The following MAST2 variants were observed in gnomAD, a reference collection of about 807,000 sequenced individuals.
MAST2 encodes the protein microtubule associated serine/threonine kinase 2.
Under a neutral mutation model 147.4 loss-of-function variants are expected in MAST2, and 70 were observed. The observed-to-expected ratio is 0.47, with a 90% CI of 0.39 to 0.58. The LOEUF (loss-of-function observed/expected upper bound fraction) is 0.58. Among genes scored for constraint, MAST2 ranks in the 20% least tolerant of loss-of-function variants. MAST2 has a pLI of 0.00. For missense variants in MAST2, 2,080 were observed against 2,302.3 expected (o/e 0.90, Z 1.98); for synonymous variants, 869 against 896.8 (o/e 0.97, Z 0.55).
chr1:45,821,026 A>G (rs1353660534), intron 1 of MAST2, among the ~76,000 whole-genome samples: 1 of 147,276 alleles, frequency 6.8e-6, no homozygotes, highest in Non-Finnish European at 1.5e-5. Context: ...CATCCTCCTG[A>G]GTAGCTGGGA....
At chr1:45,955,461 G>T (rs924475674) in intron 4 of MAST2, among the ~76,000 whole-genome samples, 37 of 152,152 alleles carry the variant, frequency 2.4e-4, no homozygotes, top group African/African-American at 8.4e-4. Context: ...ATCCATGGAT[G>T]TGGAACCCAC....
intron 4 of MAST2, among the ~76,000 whole-genome samples, chr1:45,890,068 C>T (rs1647482595): frequency 1.3e-5 from 2 of 152,092 alleles, no homozygotes; most frequent in African/African-American, 4.8e-5. Flanking sequence ...CCATCTATAC[C>T]AATCTAGTTC....
chr1:45,805,553 A>C (rs1408106790), intron 1 of MAST2, among the ~76,000 whole-genome samples: 1 of 152,174 alleles, frequency 6.6e-6, no homozygotes, highest in African/African-American at 2.4e-5. Flanking sequence ...AAACTTGTAC[A>C]ATGAACTTCA....
At chr1:45,811,900 C>T (rs1450945940) in intron 1 of MAST2, among the ~76,000 whole-genome samples, 1 of 152,088 alleles carries the variant, frequency 6.6e-6, no homozygotes, top group Non-Finnish European at 1.5e-5. Flanking sequence ...TCCCAAAGTG[C>T]TAGGATTACA....
Position 46,006,247 on chromosome 1 carries a change from T to G in MAST2, c.754T>G (p.Cys252Gly). ...NTPSSTVSSS[C>G]SSQEKLHQLP... The stretch of plus-strand genomic sequence containing the variant: ...TTAATGTTTTCCCCTCTAGTCATCA[T>G]GCTCCTCACAGGAAAAGCTGCATCA... The change falls in exon 8 of 29, where the codon TGC (cysteine) becomes GGC (glycine). Residue 252 changes from cysteine (C) to glycine (G), a missense_variant. Around this residue, in one of 4 missense-constraint regions of MAST2, gnomAD observed 569 missense variants for 642.5 expected, o/e 0.89. Transcript: ENST00000361297. 1 of 1,612,966 alleles carries G rather than the reference T, an allele frequency of 6.2e-7. No individual in the cohort carries two copies. Among genetic ancestry groups the G allele is most frequent in the Non-Finnish European group, 8.5e-7 (1 of 1,179,324 alleles).
chr1:46,000,996 T>G (rs1461092465), intron 6 of MAST2: 3 of 1,289,152 alleles, frequency 2.3e-6, no homozygotes, highest in Middle Eastern at 4.2e-4. Context: ...GCGGGTATAA[T>G]GGGGAGAGGG....
chr1:46,006,021 T>C (rs1246081726), intron 7 of MAST2, among the ~76,000 whole-genome samples: 4 of 152,152 alleles, frequency 2.6e-5, no homozygotes, highest in Non-Finnish European at 5.9e-5. Context: ...TGCACAACCC[T>C]TGAAGGACTC....
At chr1:45,846,067 C>T (rs1645424389) in intron 3 of MAST2, among the ~76,000 whole-genome samples, 1 of 152,034 alleles carries the variant, frequency 6.6e-6, no homozygotes, top group African/African-American at 2.4e-5. Context: ...GCCTCTTTAT[C>T]CCGTTTCAAA....
At chr1:45,964,591 T>C (rs1486664193) in intron 5 of MAST2, among the ~76,000 whole-genome samples, 2 of 152,216 alleles carry the variant, frequency 1.3e-5, no homozygotes, top group Non-Finnish European at 2.9e-5. Flanking sequence ...ATTGTGTCTA[T>C]TTGATTCTTC....
chr1:45,968,777 A>G (rs1039374541), intron 5 of MAST2, among the ~76,000 whole-genome samples: 4 of 151,338 alleles, frequency 2.6e-5, no homozygotes, highest in Non-Finnish European at 4.4e-5. Flanking sequence ...TATTGCTTCA[A>G]ATAATTCCCT....
chr1:45,968,494 T>G (rs903975695), intron 5 of MAST2, among the ~76,000 whole-genome samples: 17 of 146,272 alleles, frequency 1.2e-4, no homozygotes, highest in South Asian at 4.3e-4. Flanking sequence ...TTTTTTTTTT[T>G]GTCTCTCAAC....
chr1:45,877,808 A>G (rs1374775910), intron 3 of MAST2, among the ~76,000 whole-genome samples: 2 of 152,236 alleles, frequency 1.3e-5, no homozygotes, highest in Admixed American at 1.3e-4. Flanking sequence ...AAAATCTGAC[A>G]AAGAAATTAT....
rs144801192 is a variant in MAST2 at position 45,956,892 on chromosome 1, C to G, written c.501-2494C>G. Among the ~76,000 whole-genome samples, 407 of 152,216 alleles carry G rather than the reference C, an allele frequency of 2.7e-3. 1 individual carries two copies. Among genetic ancestry groups the G allele is most frequent in the Admixed American group, 4.3e-3 (65 of 15,284 alleles). ...GCATACATACCCAAAACATCTAGTG[C>G]TATTGAAATAAATGCAAAGCAAAGT... is the stretch of plus-strand genomic sequence containing the variant. On this transcript the variant is annotated intron_variant, in intron 4 of 28. Coordinates refer to ENST00000361297, the MANE Select transcript of MAST2 (RefSeq NM_015112.3).
intron 10 of MAST2, 148 bp downstream of exon 10, chr1:46,011,087 T>G: frequency 3.0e-6 from 2 of 666,570 alleles, no homozygotes; most frequent in Non-Finnish European, 5.2e-6. Context: ...GGGACTTAGA[T>G]TCCTCCTCAG....
At position 45,991,457 on chromosome 1, in the gene MAST2, C is replaced by T. The variant is rs146071484; in HGVS notation, c.593-6267C>T. Reference sequence around the variant, plus strand: ...ATTTTGATTGGGATTGCATTTAATCCGTAGATCAAATTGCTTATAATTAAC... The same window carrying T: ...ATTTTGATTGGGATTGCATTTAATCTGTAGATCAAATTGCTTATAATTAAC... On this transcript the variant is annotated intron_variant, in intron 5 of 28. Coordinates refer to ENST00000361297, the MANE Select transcript of MAST2 (RefSeq NM_015112.3). Among the ~76,000 whole-genome samples the T allele has an allele frequency of 5.5e-4, 84 of 152,218 alleles. No homozygotes were observed. In the East Asian group the frequency reaches 8.9e-3, roughly 16 times the overall value.
At chr1:45,847,204 T>G in intron 3 of MAST2, 1 of 528,230 alleles carries the variant, frequency 1.9e-6, no homozygotes, top group Non-Finnish European at 3.9e-6. Flanking sequence ...GCATTTAGAA[T>G]GTCTGGAATC....
chr1:45,950,330 A>G (rs1658745116), intron 4 of MAST2, among the ~76,000 whole-genome samples: 1 of 152,184 alleles, frequency 6.6e-6, no homozygotes, highest in Non-Finnish European at 1.5e-5. Context: ...TGGCTTGTTT[A>G]GTGTAAGCAA....
Position 46,033,802 on chromosome 1 carries a change from A to G in MAST2, c.3538A>G (p.Ser1180Gly), listed in dbSNP as rs1447055206. The G allele has an allele frequency of 1.2e-6, 2 of 1,614,126 alleles. No homozygotes were observed. Among genetic ancestry groups the G allele is most frequent in the South Asian group, 2.2e-5 (2 of 91,080 alleles). The change falls in exon 27 of 29, where the codon AGT (serine) becomes GGT (glycine). Residue 1180 changes from serine (S) to glycine (G), a missense_variant and splice_region_variant. This residue lies in a region of MAST2 where 1,278 missense variants were observed against 1,304.2 expected (regional missense o/e 0.98). Coordinates refer to ENST00000361297, the MANE Select transcript of MAST2 (RefSeq NM_015112.3). ...CTAGGCCTCATGCTCTGCTCCCCAG[A>G]GTGGAAACAAGGTGGCCATTTCAAC... ...HTEVVELILK[S>G]GNKVAISTTP...
chr1:45,944,301 G>A (rs1657732358), intron 4 of MAST2, among the ~76,000 whole-genome samples: 1 of 152,086 alleles, frequency 6.6e-6, no homozygotes, highest in Admixed American at 6.6e-5. Context: ...TCAAAAGTCT[G>A]TTAGTTCTTT....
Sources: gnomAD v4.1 joint callset for allele counts (sites outside exome capture counted in the v4.1 genomes callset) on GRCh38, gnomAD v4.1.1 for gene constraint, gnomAD v4.1.1 regional missense constraint, MANE v1.5 for transcripts, NCBI Gene and HGNC (gene_info 2026-07-23, HGNC 2026-07-21) for gene names.